The following NEBL variants were observed in gnomAD, a reference collection of about 807,000 sequenced individuals.
The protein encoded by NEBL is nebulette.
In NEBL, 122 loss-of-function variants were observed where a neutral mutation model predicts 140.2. The observed-to-expected ratio is 0.87, with a 90% CI of 0.75 to 1.01. The LOEUF (loss-of-function observed/expected upper bound fraction) is 1.01, where lower values mean the gene tolerates loss of function less well. NEBL is among the 50% of genes least tolerant of loss of function. The pLI, the probability that NEBL is intolerant of heterozygous loss-of-function variation, is 0.00. For synonymous variants in NEBL, 436 were observed against 398.9 expected, an observed-to-expected ratio of 1.09 and a Z score of -1.11; for missense variants, 1,365 against 1,231.3, an observed-to-expected ratio of 1.11 and a Z score of -1.62.
Position 21,034,238 on chromosome 10 carries a change from T to C in NEBL, c.165-14037A>G, listed in dbSNP as rs570437318. On this transcript the variant is annotated intron_variant, in intron 2 of 6. Coordinates refer to the NEBL transcript ENST00000417816. ...CCATATTACATTCAGGTATATATTT[T>C]CCATTAAAATACTATGGTCTATAAA... Among the ~76,000 whole-genome samples, 3 of 151,486 alleles carry C rather than the reference T, an allele frequency of 2.0e-5. No individual in the cohort carries two copies. In the South Asian group the frequency reaches 6.2e-4, roughly 32 times the overall value.
At chr10:21,271,020 G>C (rs1352052319) in intron 1 of NEBL, among the ~76,000 whole-genome samples, 1 of 151,996 alleles carries the variant, frequency 6.6e-6, no homozygotes, top group East Asian at 1.9e-4. Flanking sequence ...CTCACTTCTA[G>C]GTATATATCC....
intron 2 of NEBL, among the ~76,000 whole-genome samples, chr10:21,046,862 A>G (rs577556070): frequency 6.6e-5 from 10 of 152,266 alleles, no homozygotes; most frequent in African/African-American, 2.4e-4. Flanking sequence ...TCAGCCTCCC[A>G]GAGTGCTGGG....
intron 4 of NEBL, among the ~76,000 whole-genome samples, chr10:20,912,349 G>C (rs1042463948): frequency 1.8e-4 from 28 of 152,198 alleles, no homozygotes; most frequent in African/African-American, 6.5e-4. Context: ...TACTCCAGGA[G>C]GCCGAAGTGG....
At chr10:20,847,536 A>G (rs1842061555) in intron 11 of NEBL, among the ~76,000 whole-genome samples, 2 of 152,162 alleles carry the variant, frequency 1.3e-5, no homozygotes, top group Admixed American at 1.3e-4. Flanking sequence ...ACAGAAGGAA[A>G]TAAGAAAGTT....
chr10:20,793,333 T>A, intron 26 of NEBL: 1 of 969,398 alleles, frequency 1.0e-6, no homozygotes, highest in Non-Finnish European at 1.2e-6. Context: ...CAGTCATTAC[T>A]GTTTTATATG....
At chr10:20,798,904 G>A (rs1334005896) in intron 26 of NEBL, among the ~76,000 whole-genome samples, 1 of 152,062 alleles carries the variant, frequency 6.6e-6, no homozygotes, top group East Asian at 1.9e-4. Context: ...TTCACACTCA[G>A]AAAAGAAAAC....
chr10:20,859,842 A>T lies in NEBL; in HGVS notation c.685-16T>A, dbSNP rs772137515. On this transcript the variant is annotated splice_polypyrimidine_tract_variant and intron_variant, in intron 7 of 27. Coordinates refer to ENST00000377122, the MANE Select transcript of NEBL (RefSeq NM_006393.3). ...TGTATTTAATCTGTCATAAAAGAGA[A>T]ATAGTACATGTAACTTTACATTTAA... The T allele has an allele frequency of 3.4e-6, 4 of 1,173,654 alleles. No individual in the cohort carries two copies. The highest frequency in any genetic ancestry group is 1.3e-5 in the South Asian group (1 of 78,540). 72.7% of individuals were successfully genotyped at this position (1,173,654 alleles called of 1,614,324 possible).
At chr10:21,273,195 G>A (rs945734303) in intron 1 of NEBL, among the ~76,000 whole-genome samples, 8 of 152,076 alleles carry the variant, frequency 5.3e-5, no homozygotes, top group East Asian at 1.9e-4. Flanking sequence ...GTTCCCTCTC[G>A]CCCCTCTCAT....
intron 3 of NEBL, among the ~76,000 whole-genome samples, chr10:21,235,691 A>G (rs1469214566): frequency 6.6e-6 from 1 of 152,220 alleles, no homozygotes; most frequent in Non-Finnish European, 1.5e-5. Context: ...GGGGCAGCAG[A>G]TTAACTAGCA....
chr10:20,930,768 T>C (rs1834143685), intron 4 of NEBL, among the ~76,000 whole-genome samples: 1 of 152,180 alleles, frequency 6.6e-6, no homozygotes, highest in Admixed American at 6.5e-5. Flanking sequence ...TACAAATGAT[T>C]CTAATCCTCT....
At position 20,821,827 on chromosome 10, in the gene NEBL, C is replaced by A. The variant is rs570600242; in HGVS notation, c.1962+1381G>T. 2.6e-5 allele frequency among the ~76,000 whole-genome samples: 4 copies of A among 152,310 alleles called. No individual in the cohort carries two copies. The East Asian group carries it at 5.8e-4, about 22-fold the overall frequency. On this transcript the variant is annotated intron_variant, in intron 19 of 27. Transcript: ENST00000377122. ...CAGCATACGCTCCTGCCATCTTTCA[C>A]CCCAAGTACTCATCACACTAAACCC... is the stretch of plus-strand genomic sequence containing the variant.
At chr10:21,005,137 T>G (rs972583115) in intron 3 of NEBL, among the ~76,000 whole-genome samples, 1 of 152,170 alleles carries the variant, frequency 6.6e-6, no homozygotes. Flanking sequence ...GAAAGTTCAA[T>G]TGCAGCTGTT....
At chr10:20,831,426 T>C (rs1840401192) in intron 15 of NEBL, 47 bp downstream of exon 15, 1 of 1,537,204 alleles carries the variant, frequency 6.5e-7, no homozygotes, top group Admixed American at 1.7e-5. Context: ...TTTCCAGCTA[T>C]GATTCACGGC....
At chr10:20,860,231 C>A (rs1843535779) in intron 7 of NEBL, among the ~76,000 whole-genome samples, 1 of 152,004 alleles carries the variant, frequency 6.6e-6, no homozygotes, top group Admixed American at 6.6e-5. Context: ...GGGAATTATT[C>A]CAAATAAAGA....
At chr10:20,796,441 A>G (rs1281059877) in intron 26 of NEBL, among the ~76,000 whole-genome samples, 5 of 150,922 alleles carry the variant, frequency 3.3e-5, no homozygotes. Flanking sequence ...CTAAATATTG[A>G]AAAAACACAC....
rs1588701613 is a variant in NEBL, at chr10:20,826,489, T to C, written c.1827A>G (p.Pro609=). The C allele has an allele frequency of 6.2e-7, 1 of 1,613,106 alleles. No homozygotes were observed. Among genetic ancestry groups the C allele is most frequent in the Admixed American group, 1.7e-5 (1 of 60,002 alleles). Residue 609 remains proline, a synonymous_variant, in exon 18 of 28, where the codon CCA becomes CCG. Coordinates refer to ENST00000377122, the MANE Select transcript of NEBL (RefSeq NM_006393.3). The part of the protein sequence containing the change: ...VGAGTAVKDS[P]EIERVKKNQQ... Reference sequence around the variant, plus strand: ...GATTTTTCTTCACTCGTTCGATCTCTGGGCTATCTTTCACTGCAGTGCCAG... The same window carrying C: ...GATTTTTCTTCACTCGTTCGATCTCCGGGCTATCTTTCACTGCAGTGCCAG...
intron 2 of NEBL, among the ~76,000 whole-genome samples, chr10:21,250,199 G>C (rs1014552491): frequency 6.6e-6 from 1 of 152,190 alleles, no homozygotes; most frequent in African/African-American, 2.4e-5. Flanking sequence ...ATTAATGTTT[G>C]AGTCCATGAG....
intron 2 of NEBL, chr10:21,126,184 A>T: frequency 6.7e-7 from 1 of 1,501,260 alleles, no homozygotes; most frequent in Admixed American, 2.0e-5. Context: ...GAAAGGAAAA[A>T]AAATACCACA....
intron 2 of NEBL, among the ~76,000 whole-genome samples, chr10:21,104,226 A>T (rs1391436318): frequency 6.6e-6 from 1 of 152,214 alleles, no homozygotes; most frequent in African/African-American, 2.4e-5. Context: ...TCTTTTTCCA[A>T]AATTGTGTTT....
Sources: gnomAD v4.1 joint callset for allele counts (sites outside exome capture counted in the v4.1 genomes callset) on GRCh38, gnomAD v4.1.1 for gene constraint, MANE v1.5 for transcripts, NCBI Gene and HGNC (gene_info 2026-07-23, HGNC 2026-07-21) for gene names.